FAM20C: variants seen among roughly 807,000 people sequenced by gnomAD.
FAM20C encodes FAM20C golgi associated secretory pathway kinase.
FAM20C carries 40 observed loss-of-function variants against 51.5 expected under a neutral mutation model. The observed-to-expected ratio is 0.78, with a 90% CI of 0.60 to 1.01. The LOEUF is 1.01. FAM20C is among the 50% of genes least tolerant of loss of function. The probability of loss-of-function intolerance (pLI) is 0.00; values close to 1 mark genes in which losing one functional copy is unlikely to be tolerated. For missense variants in FAM20C, 861 were observed against 844.7 expected, an observed-to-expected ratio of 1.02 and a Z score of -0.24; for synonymous variants, 406 against 380.6, an observed-to-expected ratio of 1.07 and a Z score of -0.78.
At chr7:255,801 G>T (rs1562399249) in intron 5 of FAM20C, 48 bp from the exon 6 acceptor site, 4 of 1,533,252 alleles carry the variant, frequency 2.6e-6, no homozygotes, top group Non-Finnish European at 3.5e-6. Context: ...CACAGGTGAG[G>T]ACGCAGCCCT....
At position 201,846 on chromosome 7, in the gene FAM20C, G is replaced by A. The variant is rs114170097; in HGVS notation, c.784+6114G>A. ...GGCGTCCGAGGGTCTGTGTGGCCCC[G>A]AACTCTTAGTGCTGACAGCAACATG... On this transcript the variant is annotated intron_variant, in intron 2 of 9. Coordinates refer to ENST00000313766, the MANE Select transcript of FAM20C (RefSeq NM_020223.4). Among the ~76,000 whole-genome samples, 355 of 152,328 alleles carry A rather than the reference G, an allele frequency of 2.3e-3. 1 individual carries two copies. Among genetic ancestry groups the A allele is most frequent in the African/African-American group, 8.0e-3 (334 of 41,574 alleles).
chr7:193,449 A>G lies in FAM20C; in HGVS notation c.250A>G (p.Asn84Asp). Residue 84 changes from asparagine to aspartate, a missense_variant, in exon 1 of 10, where the codon AAC becomes GAC. Physicochemically the swap from Asn to Asp is conservative, Grantham distance 23. Coordinates refer to ENST00000313766, the MANE Select transcript of FAM20C (RefSeq NM_020223.4). ...CGCCGCCGGCGACGCGGGCTGGCCC[A>G]ACAAGCACACGCTCCGCATCCTGCA... ...SSAAGDAGWP[N>D]KHTLRILQDF... 1 of 1,459,436 alleles carries G rather than the reference A, an allele frequency of 6.9e-7. No individual in the cohort carries two copies. The highest frequency in any genetic ancestry group is 9.1e-7 in the Non-Finnish European group (1 of 1,098,150). The allele number at this position is 1,459,436 out of a possible 1,614,324, so 90.4% of individuals were successfully genotyped here. A position where few individuals can be genotyped will look rare whatever the true frequency, so the allele number is the denominator to read the frequency against.
intron 3 of FAM20C, 123 bp from the exon 4 acceptor site, chr7:246,292 C>T (rs1374404458): frequency 1.3e-6 from 1 of 790,638 alleles, no homozygotes; most frequent in African/African-American, 1.8e-5. Flanking sequence ...CTCAGGGTGG[C>T]CCTGAGGAGG....
At chr7:256,158 G>C in intron 6 of FAM20C, 129 bp downstream of exon 6, 1 of 1,180,908 alleles carries the variant, frequency 8.5e-7, no homozygotes, top group East Asian at 2.6e-5. Flanking sequence ...GTGCGATGCT[G>C]GCCTGTGTGA....
chr7:202,039 C>T (rs890106133), intron 2 of FAM20C, among the ~76,000 whole-genome samples: 4 of 152,320 alleles, frequency 2.6e-5, no homozygotes, highest in Non-Finnish European at 4.4e-5. Flanking sequence ...GATTCTTCAG[C>T]GAGGCCGGGG....
intron 2 of FAM20C, among the ~76,000 whole-genome samples, chr7:204,124 G>A (rs1037368728): frequency 3.9e-5 from 6 of 152,282 alleles, no homozygotes; most frequent in South Asian, 2.1e-4. Flanking sequence ...TTAAAAATCC[G>A]TGCAGTGTAT....
chr7:247,764 G>A (rs1312117552), intron 4 of FAM20C, among the ~76,000 whole-genome samples: 3 of 152,250 alleles, frequency 2.0e-5, no homozygotes, highest in Middle Eastern at 3.4e-3. Context: ...GCACCCAGGC[G>A]AGCCGTCTGA....
chr7:240,508 A>G (rs1320400225), intron 3 of FAM20C, among the ~76,000 whole-genome samples: 3 of 149,702 alleles, frequency 2.0e-5, no homozygotes, highest in African/African-American at 7.4e-5. Flanking sequence ...GGTGGAGGTG[A>G]TGATGATGTG....
At chr7:202,400 T>C (rs566441163) in intron 2 of FAM20C, among the ~76,000 whole-genome samples, 151 of 137,220 alleles carry the variant, frequency 1.1e-3, no homozygotes, top group Admixed American at 1.5e-3. Flanking sequence ...TCTTCCTGTG[T>C]GCATAGAGAG....
intron 5 of FAM20C, among the ~76,000 whole-genome samples, chr7:254,326 A>T (rs1788511901): frequency 6.6e-6 from 1 of 152,186 alleles, no homozygotes; most frequent in South Asian, 2.1e-4. Context: ...CCCTGGAATC[A>T]CTCAGCCTGG....
chr7:216,682 A>AGTGTGTGTGTGTGTGT (rs1273994235), intron 3 of FAM20C, among the ~76,000 whole-genome samples: 1 of 143,598 alleles, frequency 7.0e-6, no homozygotes, highest in African/African-American at 2.6e-5. Context: ...AGTGTGTGTG[A>AGTGTGTGTGTGTGTGT]GAGTGTGTGT....
At chr7:215,047 G>C (rs112632644) in intron 3 of FAM20C, among the ~76,000 whole-genome samples, 103 of 152,094 alleles carry the variant, frequency 6.8e-4, no homozygotes, top group Non-Finnish European at 9.6e-4. Context: ...AACACTCCTC[G>C]TCACTACACT....
rs1428117838 is a variant in FAM20C, at chr7:246,396, TTC to T, written c.864-17_864-16del. 2.7e-6 allele frequency: 4 copies of T among 1,487,108 alleles called. No homozygotes were observed. The East Asian group carries it at 1.1e-4, about 42-fold the overall frequency. 92.1% of individuals were successfully genotyped at this position (1,487,108 alleles called of 1,614,324 possible). On this transcript the variant is annotated splice_polypyrimidine_tract_variant and intron_variant, in intron 3 of 9. Coordinates refer to ENST00000313766, the MANE Select transcript of FAM20C (RefSeq NM_020223.4). ...TTTCTCAGTGACAAACCGTTTCTGT[TTC>T]TGTCTTGTTTTCTCAGACAAACGAG...
chr7:223,401 A>G (rs1787326848), intron 3 of FAM20C, among the ~76,000 whole-genome samples: 1 of 152,208 alleles, frequency 6.6e-6, no homozygotes, highest in Admixed American at 6.5e-5. Flanking sequence ...CAAGTGAATG[A>G]TCACAGAGCC....
At chr7:252,687 G>A (rs1033651869) in intron 5 of FAM20C, among the ~76,000 whole-genome samples, 1 of 152,226 alleles carries the variant, frequency 6.6e-6, no homozygotes, top group South Asian at 2.1e-4. Flanking sequence ...CGGGGAAGGT[G>A]GGCTCTGGGA....
rs1039871998 is a variant in FAM20C at position 246,141 on chromosome 7, C to T, written c.864-274C>T. 9.0e-5 allele frequency: 30 copies of T among 334,828 alleles called. 1 individual carries two copies. The highest frequency in any genetic ancestry group is 7.9e-4 in the East Asian group (14 of 17,824). The allele number at this position is 334,828 out of a possible 1,614,324, so 20.7% of individuals were successfully genotyped here. On this transcript the variant is annotated intron_variant, in intron 3 of 9. Transcript: ENST00000313766. ...ATGGGGAGCTGGGACCTCCGGCCTC[C>T]GTCGCAAGGGCCTGCGCTGCTCTGA...
At position 256,303 on chromosome 7, in the gene FAM20C, C is replaced by A. The variant is rs1211163548; in HGVS notation, c.1253+274C>A. ...TCTCAGCGTTTGAGCTCTGCTCTCG[C>A]CCCGTCCCTCTCCTCACTCCTGCGG... is the stretch of plus-strand genomic sequence containing the variant. On this transcript the variant is annotated intron_variant, in intron 6 of 9. Coordinates refer to ENST00000313766, the MANE Select transcript of FAM20C (RefSeq NM_020223.4). 3 of 586,148 alleles carry A rather than the reference C, an allele frequency of 5.1e-6. No homozygotes were observed. The African/African-American group carries it at 5.6e-5, about 11-fold the overall frequency. The allele number at this position is 586,148 out of a possible 1,614,324, so 36.3% of individuals were successfully genotyped here.
chr7:242,629 C>T (rs1787978660), intron 3 of FAM20C, among the ~76,000 whole-genome samples: 1 of 152,148 alleles, frequency 6.6e-6, no homozygotes, highest in Non-Finnish European at 1.5e-5. Context: ...GCCCCATTCT[C>T]AGAGCTGCAC....
At chr7:224,398 G>A (rs1787386979) in intron 3 of FAM20C, among the ~76,000 whole-genome samples, 2 of 24,768 alleles carry the variant, frequency 8.1e-5, no homozygotes, top group Non-Finnish European at 1.6e-4. Flanking sequence ...TGTCCCCTGA[G>A]CCTTCTCTCA....
Sources: allele counts gnomAD v4.1 joint callset (sites outside exome capture counted in the v4.1 genomes callset), GRCh38; gene constraint gnomAD v4.1.1; transcripts MANE v1.5; gene names NCBI Gene and HGNC (gene_info 2026-07-23, HGNC 2026-07-21).